The following PSD3 variants were observed in gnomAD, a reference collection of about 807,000 sequenced individuals.
The protein encoded by PSD3 is PH and SEC7 domain-containing protein 3.
A neutral mutation model predicts 105.5 loss-of-function variants in PSD3; 49 were observed. That is an observed-to-expected ratio of 0.46 (90% confidence interval 0.37 to 0.59). The LOEUF (loss-of-function observed/expected upper bound fraction) is 0.59. Among genes scored for constraint, PSD3 ranks in the 20% least tolerant of loss-of-function variants. The pLI is 0.00. For missense variants in PSD3, 1,561 were observed against 1,263.8 expected, an observed-to-expected ratio of 1.24 and a Z score of -3.57; for synonymous variants, 557 against 457.8, an observed-to-expected ratio of 1.22 and a Z score of -2.77.
chr8:18,544,631 G>T (rs1197379492), intron 15 of PSD3, among the ~76,000 whole-genome samples: 3 of 152,016 alleles, frequency 2.0e-5, no homozygotes, highest in Non-Finnish European at 4.4e-5. Flanking sequence ...AATGAACTCT[G>T]TGACTTTCAT....
chr8:18,936,025 A>C lies in PSD3; in HGVS notation c.130+9T>G, dbSNP rs1822106820. 1 of 1,564,408 alleles carries C rather than the reference A, an allele frequency of 6.4e-7. No homozygotes were observed. Among genetic ancestry groups the C allele is most frequent in the African/African-American group, 1.4e-5 (1 of 73,952 alleles). On this transcript the variant is annotated intron_variant, in intron 2 of 15. Transcript: ENST00000327040. ...TTTACCTGGGAGAGGGATATGAGGAAATACTTACTAGTATCTGGAGCTTTC... is the reference window on the plus strand; with the variant it reads ...TTTACCTGGGAGAGGGATATGAGGACATACTTACTAGTATCTGGAGCTTTC...
intron 1 of PSD3, among the ~76,000 whole-genome samples, chr8:18,964,552 A>G (rs1279679597): frequency 6.6e-6 from 1 of 152,048 alleles, no homozygotes; most frequent in Non-Finnish European, 1.5e-5. Flanking sequence ...CTCAGAACCA[A>G]TTCACAAGAG....
chr8:18,791,608 C>G (rs888408559), intron 8 of PSD3, among the ~76,000 whole-genome samples: 5 of 152,108 alleles, frequency 3.3e-5, no homozygotes, highest in African/African-American at 9.7e-5. Flanking sequence ...AAATGTGAAA[C>G]CCAAAACCAA....
chr8:18,684,206 A>G (rs1414167767), intron 9 of PSD3: 1 of 2,864 alleles, frequency 3.5e-4, no homozygotes, highest in Non-Finnish European at 2.2e-3. Context: ...TCTCTTTTCC[A>G]CACACACACA....
intron 2 of PSD3, among the ~76,000 whole-genome samples, chr8:18,930,565 T>C (rs1401492455): frequency 7.0e-6 from 1 of 143,320 alleles, no homozygotes; most frequent in Non-Finnish European, 1.5e-5. Flanking sequence ...AACTAACTTT[T>C]TCAATTTTTT....
At chr8:18,566,393 G>A (rs911922216) in intron 14 of PSD3, among the ~76,000 whole-genome samples, 1 of 151,944 alleles carries the variant, frequency 6.6e-6, no homozygotes, top group Admixed American at 6.6e-5. Flanking sequence ...GGGTATGGTG[G>A]CGGGCGCCTG....
intron 11 of PSD3, among the ~76,000 whole-genome samples, chr8:18,616,264 G>GTGC (rs1805656120): frequency 6.6e-6 from 1 of 152,346 alleles, no homozygotes; most frequent in African/African-American, 2.4e-5. Context: ...GTGCGTTCAA[G>GTGC]TGCTCTTCAC....
intron 12 of PSD3, among the ~76,000 whole-genome samples, chr8:18,593,405 AAATCAAAACCAC>A: frequency 6.6e-6 from 1 of 152,364 alleles, no homozygotes; most frequent in South Asian, 2.1e-4. Context: ...ACAGAAATGC[AAATCAAAACCAC>A]AATGAGATAT....
chr8:18,977,590 A>G lies in PSD3; in HGVS notation c.21+35973T>C, dbSNP rs189160485. On this transcript the variant is annotated intron_variant, in intron 1 of 15. Transcript: ENST00000327040. ...AAAAGATAGAGAGATTTGTCTTTTGAAAATACAAAATTGTATTCTGATATG... is the reference window on the plus strand; with the variant it reads ...AAAAGATAGAGAGATTTGTCTTTTGGAAATACAAAATTGTATTCTGATATG... Among the ~76,000 whole-genome samples, 916 of 152,310 alleles carry G rather than the reference A, an allele frequency of 6.0e-3. 10 individuals are homozygous for G. Among genetic ancestry groups the G allele is most frequent in the African/African-American group, 0.021 (893 of 41,584 alleles).
chr8:18,738,792 G>C (rs1043958835), intron 9 of PSD3, among the ~76,000 whole-genome samples: 5 of 151,690 alleles, frequency 3.3e-5, no homozygotes, highest in Non-Finnish European at 7.4e-5. Flanking sequence ...TTCTTGGATT[G>C]CTAAGAAGTA....
rs149682000 is a variant in PSD3 at position 18,935,031 on chromosome 8, G to C, written c.130+1003C>G. 2.4e-4 allele frequency among the ~76,000 whole-genome samples: 36 copies of C among 152,300 alleles called. No individual in the cohort carries two copies. In the East Asian group the frequency reaches 5.8e-3, roughly 25 times the overall value. On this transcript the variant is annotated intron_variant, in intron 2 of 15. Transcript: ENST00000327040. ...CTGGCTCTGCTGTGTGAGTGATTGT[G>C]ACTGGGAGAAGATTACTTCAGATCC...
chr8:19,013,859 G>C (rs1827078620), upstream of PSD3, among the ~76,000 whole-genome samples: 1 of 150,278 alleles, frequency 6.7e-6, no homozygotes, highest in African/African-American at 2.4e-5. Context: ...GCGGAGAGGC[G>C]GGGCCGACGC....
intron 1 of PSD3, among the ~76,000 whole-genome samples, chr8:19,073,361 G>C (rs1036122510): frequency 5.9e-5 from 9 of 152,078 alleles, no homozygotes; most frequent in African/African-American, 2.2e-4. Flanking sequence ...GACCAGCCTG[G>C]CCAAAATGGA....
chr8:18,632,144 C>T (rs1191280704), intron 11 of PSD3, among the ~76,000 whole-genome samples: 1 of 152,044 alleles, frequency 6.6e-6, no homozygotes, highest in African/African-American at 2.4e-5. Context: ...AAAGGCGAGT[C>T]ATTCCACATA....
At chr8:18,643,904 A>T (rs1048600912) in intron 10 of PSD3, among the ~76,000 whole-genome samples, 1 of 152,204 alleles carries the variant, frequency 6.6e-6, no homozygotes, top group African/African-American at 2.4e-5. Flanking sequence ...TATGGCTTGT[A>T]TTTCCTAGAA....
At chr8:18,977,601 T>C (rs1180607601) in intron 1 of PSD3, among the ~76,000 whole-genome samples, 2 of 152,156 alleles carry the variant, frequency 1.3e-5, no homozygotes, top group African/African-American at 2.4e-5. Context: ...AAATACAAAA[T>C]TGTATTCTGA....
intron 1 of PSD3, among the ~76,000 whole-genome samples, chr8:18,956,354 C>T (rs533968953): frequency 6.6e-6 from 1 of 152,202 alleles, no homozygotes; most frequent in South Asian, 2.1e-4. Flanking sequence ...TGGGGTGGGG[C>T]CTGACAGTCT....
chr8:18,987,684 G>C (rs1220581416), intron 1 of PSD3, among the ~76,000 whole-genome samples: 1 of 152,056 alleles, frequency 6.6e-6, no homozygotes, highest in Non-Finnish European at 1.5e-5. Flanking sequence ...GCCAGGTGTG[G>C]TGGCACGTGC....
chr8:18,928,245 G>A (rs565804382), intron 2 of PSD3, among the ~76,000 whole-genome samples: 2 of 152,266 alleles, frequency 1.3e-5, no homozygotes, highest in Non-Finnish European at 2.9e-5. Flanking sequence ...AGTCTCATGA[G>A]ATCTGATGGT....
Sources: allele counts gnomAD v4.1 joint callset (sites outside exome capture counted in the v4.1 genomes callset), GRCh38; gene constraint gnomAD v4.1.1; transcripts MANE v1.5; gene names NCBI Gene and HGNC (gene_info 2026-07-23, HGNC 2026-07-21).